The following KCNQ1OT1 variants were observed in gnomAD, a reference collection of about 807,000 sequenced individuals.
KCNQ1OT1 encodes the protein KCNQ1 antisense RNA 2 (non-protein coding).
At chr11:2,662,200 C>T (rs1444299551) in exon 1 of KCNQ1OT1, 15 of 1,390,246 alleles carry the variant, frequency 1.1e-5, no homozygotes, top group South Asian at 2.5e-5. Flanking sequence ...GCCTAGTGCC[C>T]ACCACTTGCC....
chr11:2,615,387 C>CTGTT (rs1385429934), exon 1 of KCNQ1OT1: 1 of 397,746 alleles, frequency 2.5e-6, no homozygotes, highest in South Asian at 1.3e-4. Flanking sequence ...ATTCATTTAC[C>CTGTT]TGTTTGTTTA....
At chr11:2,618,331 T>C (rs765487831) in exon 1 of KCNQ1OT1, 1 of 398,526 alleles carries the variant, frequency 2.5e-6, no homozygotes, top group Non-Finnish European at 4.4e-6. Context: ...AAAAATTCAA[T>C]GTTTTAACAA....
exon 1 of KCNQ1OT1, chr11:2,643,087 G>A: frequency 2.5e-6 from 1 of 398,072 alleles, no homozygotes; most frequent in Non-Finnish European, 4.4e-6. Flanking sequence ...AACATATAAT[G>A]TATCCTGGAG....
In KCNQ1OT1 at chr11:2,621,775, A is replaced by T; in HGVS notation, n.78220T>A. The stretch of plus-strand genomic sequence containing the variant: ...ATTTTGTCCTCTTTCTTAGTCCAAG[A>T]GTTTGTTGATTTTATTTTTCAAAAA... On this transcript the variant is annotated non_coding_transcript_exon_variant, in exon 1 of 1. Coordinates refer to ENST00000597346, the Ensembl canonical transcript of KCNQ1OT1. The surrounding 1 kb of genome is among the most constrained non-coding windows in gnomAD (Gnocchi z 5.7). 2.5e-6 allele frequency: 1 copy of T among 398,206 alleles called. No individual in the cohort carries two copies. 24.7% of individuals were successfully genotyped at this position (398,206 alleles called of 1,614,324 possible).
rs1849257725 is a variant in KCNQ1OT1 at position 2,626,091 on chromosome 11, T to G, written n.73904A>C. 1 of 398,644 alleles carries G rather than the reference T, an allele frequency of 2.5e-6. No individual in the cohort carries two copies. 24.7% of individuals were successfully genotyped at this position (398,644 alleles called of 1,614,324 possible). A position where few individuals can be genotyped will look rare whatever the true frequency, so the allele number is the denominator to read the frequency against. On this transcript the variant is annotated non_coding_transcript_exon_variant, in exon 1 of 1. Coordinates refer to ENST00000597346, the Ensembl canonical transcript of KCNQ1OT1. This position sits in a 1 kb window ranked among gnomAD's most constrained non-coding sequence, Gnocchi z 4.0. The stretch of plus-strand genomic sequence containing the variant: ...TGCCTGTGCAAGTACAATTTATCTA[T>G]TTTTACTTTTATTGCCTGTGCCTTT...
At chr11:2,699,681 A>AGAACCCCCGGGGAGACCCGCGCCGAC (rs1186679424) in exon 1 of KCNQ1OT1, 1 of 341,836 alleles carries the variant, frequency 2.9e-6, no homozygotes, top group Non-Finnish European at 5.1e-6. Context: ...ACCGCGCCGA[A>AGAACCCCCGGGGAGACCCGCGCCGAC]AAGCCCCGGG....
At position 2,626,470 on chromosome 11, in the gene KCNQ1OT1, GTC is replaced by G; in HGVS notation, n.73523_73524del. 1 of 398,526 alleles carries G rather than the reference GTC, an allele frequency of 2.5e-6. No homozygotes were observed. The highest frequency in any genetic ancestry group is 3.6e-5 in the East Asian group (1 of 28,066). The allele number at this position is 398,526 out of a possible 1,614,324, so 24.7% of individuals were successfully genotyped here. A position where few individuals can be genotyped will look rare whatever the true frequency, so the allele number is the denominator to read the frequency against. The stretch of plus-strand genomic sequence containing the variant: ...TTGGGCTCTCTATTCAATTCCATTG[GTC>G]TCTACATCTTTATGTCAATACCACA... On this transcript the variant is annotated non_coding_transcript_exon_variant, in exon 1 of 1. Transcript: ENST00000597346. The surrounding 1 kb of genome is among the most constrained non-coding windows in gnomAD (Gnocchi z 4.0).
At position 2,623,440 on chromosome 11, in the gene KCNQ1OT1, C is replaced by A. The variant is rs1849207577; in HGVS notation, n.76555G>T. On this transcript the variant is annotated non_coding_transcript_exon_variant, in exon 1 of 1. Transcript: ENST00000597346. This position sits in a 1 kb window ranked among gnomAD's most constrained non-coding sequence, Gnocchi z 5.2. ...TGCCTATTCAACCCTTCTTCCCCAA[C>A]AACCCTTGGCAACCACTGAACTTTT... 5.0e-6 allele frequency: 2 copies of A among 398,494 alleles called. No individual in the cohort carries two copies. The highest frequency in any genetic ancestry group is 6.2e-4 in the Middle Eastern group (1 of 1,610). 24.7% of individuals were successfully genotyped at this position (398,494 alleles called of 1,614,324 possible). A position where few individuals can be genotyped will look rare whatever the true frequency, so the allele number is the denominator to read the frequency against.
Position 2,630,880 on chromosome 11 carries a change from T to A in KCNQ1OT1, n.69115A>T, listed in dbSNP as rs185376542. 2.5e-5 allele frequency: 10 copies of A among 398,538 alleles called. No homozygotes were observed. The Admixed American group carries it at 4.0e-4, about 16-fold the overall frequency. The allele number at this position is 398,538 out of a possible 1,614,324, so 24.7% of individuals were successfully genotyped here. ...TATTCTTAGATGGCAGTTTTTTATC[T>A]TTCAGAACTTTGAATATATAATCCT... On this transcript the variant is annotated non_coding_transcript_exon_variant, in exon 1 of 1. Transcript: ENST00000597346.
At chr11:2,634,593 G>A (rs2133820699) in exon 1 of KCNQ1OT1, 3 of 152,238 alleles carry the variant, frequency 2.0e-5, no homozygotes, top group African/African-American at 7.2e-5. Flanking sequence ...TGGACATTTG[G>A]GTTGGTTCCA....
chr11:2,660,368 G>C (rs150597452), exon 1 of KCNQ1OT1: 1 of 398,314 alleles, frequency 2.5e-6, no homozygotes, highest in Non-Finnish European at 4.4e-6. Flanking sequence ...ATTGTATTAC[G>C]CTGATGTGGG....
At chr11:2,610,965 C>A in exon 1 of KCNQ1OT1, 1 of 398,220 alleles carries the variant, frequency 2.5e-6, no homozygotes, top group South Asian at 1.3e-4. Flanking sequence ...GACAGAAAAT[C>A]AACAAGAGTT....
chr11:2,610,684 G>A, exon 1 of KCNQ1OT1: 1 of 282,066 alleles, frequency 3.5e-6, no homozygotes, highest in Non-Finnish European at 6.3e-6. Flanking sequence ...CTTTTTGAAA[G>A]AAACTTTTCT....
chr11:2,670,280 A>G lies in KCNQ1OT1; in HGVS notation n.29715T>C, dbSNP rs1850157130. 2.5e-6 allele frequency: 1 copy of G among 398,502 alleles called. No individual in the cohort carries two copies. Among genetic ancestry groups the G allele is most frequent in the African/African-American group, 2.1e-5 (1 of 48,606 alleles). 24.7% of individuals were successfully genotyped at this position (398,502 alleles called of 1,614,324 possible). On this transcript the variant is annotated non_coding_transcript_exon_variant, in exon 1 of 1. Transcript: ENST00000597346. The surrounding 1 kb of genome is among the most constrained non-coding windows in gnomAD (Gnocchi z 4.9). ...AAGAGGACCATGGTAGCTTGTCTCT[A>G]GGCAACCCATAGGTGCCCAATGGAG...
At chr11:2,689,000 G>C (rs943110256) in exon 1 of KCNQ1OT1, 1 of 398,732 alleles carries the variant, frequency 2.5e-6, no homozygotes, top group Admixed American at 4.4e-5. Context: ...GGAGCCTGCA[G>C]GTCCCTGGGT....
chr11:2,665,341 C>CA (rs1850047569), exon 1 of KCNQ1OT1: 2 of 398,142 alleles, frequency 5.0e-6, no homozygotes, highest in Non-Finnish European at 8.8e-6. Context: ...TGTAGGCCTG[C>CA]ATGGGCAGTT....
chr11:2,670,026 G>A lies in KCNQ1OT1; in HGVS notation n.29969C>T. 1 of 398,634 alleles carries A rather than the reference G, an allele frequency of 2.5e-6. No homozygotes were observed. The allele number at this position is 398,634 out of a possible 1,614,324, so 24.7% of individuals were successfully genotyped here. On this transcript the variant is annotated non_coding_transcript_exon_variant, in exon 1 of 1. Coordinates refer to ENST00000597346, the Ensembl canonical transcript of KCNQ1OT1. This position sits in a 1 kb window ranked among gnomAD's most constrained non-coding sequence, Gnocchi z 4.9. The stretch of plus-strand genomic sequence containing the variant: ...CAGGAGCTGTTGGGGTCCCGTGGAG[G>A]TACAGGCGGAAACCTAGCACTCACT...
chr11:2,663,516 T>C lies in KCNQ1OT1; in HGVS notation n.36479A>G. On this transcript the variant is annotated non_coding_transcript_exon_variant, in exon 1 of 1. Transcript: ENST00000597346. This position sits in a 1 kb window ranked among gnomAD's most constrained non-coding sequence, Gnocchi z 5.2. ...CAGGTGGCAGTGCCTGTATTGCCTC[T>C]TGGCTGTCCCCTCAGAGAGGGGACT... 3 of 398,688 alleles carry C rather than the reference T, an allele frequency of 7.5e-6. No individual in the cohort carries two copies. The highest frequency in any genetic ancestry group is 1.3e-5 in the Non-Finnish European group (3 of 226,100). The allele number at this position is 398,688 out of a possible 1,614,324, so 24.7% of individuals were successfully genotyped here.
At chr11:2,636,629 T>A (rs1465706453) in exon 1 of KCNQ1OT1, 15 of 152,090 alleles carry the variant, frequency 9.9e-5, no homozygotes, top group Non-Finnish European at 2.1e-4. Context: ...TCATCAGGGA[T>A]ATTGGTCTAA....
Sources: allele counts gnomAD v4.1 joint callset, GRCh38; gene constraint gnomAD v4.1.1; non-coding constraint Gnocchi (gnomAD v3.1); transcripts MANE v1.5; gene names NCBI Gene and HGNC (gene_info 2026-07-23, HGNC 2026-07-21).